Variants in PRKN observed in about 807,000 individuals in gnomAD.
PRKN encodes the protein parkin RBR E3 ubiquitin protein ligase.
PRKN carries 56 observed loss-of-function variants against 59.5 expected under a neutral mutation model. The observed-to-expected ratio is 0.94, with a 90% CI of 0.76 to 1.18. The LOEUF is 1.18. PRKN is among the 50% of genes most tolerant of loss of function. The pLI is 0.00. For synonymous variants in PRKN, 250 were observed against 222.1 expected, an observed-to-expected ratio of 1.13 and a Z score of -1.12; for missense variants, 657 against 596.4, an observed-to-expected ratio of 1.10 and a Z score of -1.06.
At chr6:161,826,042 C>T (rs6904662) in intron 6 of PRKN, among the ~76,000 whole-genome samples, 98,447 of 151,974 alleles carry the variant, frequency 0.65, 32,030 homozygotes, top group Middle Eastern at 0.73. Context: ...CACTCTTGCC[C>T]CAAGCTCTGC....
intron 7 of PRKN, among the ~76,000 whole-genome samples, chr6:161,703,325 A>C (rs946780915): frequency 1.3e-5 from 2 of 152,160 alleles, no homozygotes; most frequent in African/African-American, 4.8e-5. Flanking sequence ...ACAAAGGATA[A>C]AACAGACATT....
At chr6:162,552,072 G>C (rs1779351737) in intron 1 of PRKN, among the ~76,000 whole-genome samples, 1 of 152,122 alleles carries the variant, frequency 6.6e-6, no homozygotes, top group Non-Finnish European at 1.5e-5. Flanking sequence ...TGAATAAAAA[G>C]AACACAGCCA....
chr6:161,823,826 T>C (rs558615121), intron 6 of PRKN, among the ~76,000 whole-genome samples: 103 of 152,118 alleles, frequency 6.8e-4, no homozygotes, highest in African/African-American at 2.3e-3. Flanking sequence ...TGTCAGGAGG[T>C]CTAGTGAGGA....
intron 5 of PRKN, among the ~76,000 whole-genome samples, chr6:162,014,037 G>A (rs1368651659): frequency 2.0e-5 from 3 of 152,076 alleles, no homozygotes; most frequent in Non-Finnish European, 4.4e-5. Context: ...ATTCAGAGAA[G>A]GGTCACTGTC....
chr6:162,479,614 G>A (rs2128181635), intron 1 of PRKN, among the ~76,000 whole-genome samples: 1 of 152,194 alleles, frequency 6.6e-6, no homozygotes, highest in Non-Finnish European at 1.5e-5. Context: ...CAATATCACT[G>A]TCTCCCACCT....
intron 1 of PRKN, among the ~76,000 whole-genome samples, chr6:162,655,617 A>C (rs1778615495): frequency 6.6e-6 from 1 of 152,314 alleles, no homozygotes; most frequent in African/African-American, 2.4e-5. Flanking sequence ...AGGGAAAAAA[A>C]GGAATTATGG....
intron 7 of PRKN, among the ~76,000 whole-genome samples, chr6:161,702,538 G>C (rs1343150926): frequency 6.6e-6 from 1 of 152,098 alleles, no homozygotes. Context: ...GAGAGAATGG[G>C]GGGAGGGGGA....
chr6:161,977,789 T>C (rs547454759), intron 5 of PRKN, among the ~76,000 whole-genome samples: 11 of 151,994 alleles, frequency 7.2e-5, no homozygotes, highest in East Asian at 3.9e-4. Context: ...CCTCGTGATC[T>C]GCCCACCTTG....
rs183485746 is a variant in PRKN at position 161,872,378 on chromosome 6, T to C, written c.735-86470A>G. On this transcript the variant is annotated intron_variant, in intron 6 of 11. Coordinates refer to ENST00000366898, the MANE Select transcript of PRKN (RefSeq NM_004562.3). ...TAAACAGGGCAGCATTTAATACCTC[T>C]AGGGATTATGTAGGACACTTGTATT... Among the ~76,000 whole-genome samples, 281 of 152,284 alleles carry C rather than the reference T, an allele frequency of 1.8e-3. 3 individuals are homozygous for C. The highest frequency in any genetic ancestry group is 0.017 in the Admixed American group (266 of 15,300).
chr6:161,591,835 C>A (rs1192247336), intron 7 of PRKN, among the ~76,000 whole-genome samples: 1 of 152,084 alleles, frequency 6.6e-6, no homozygotes, highest in Non-Finnish European at 1.5e-5. Flanking sequence ...TTTTACCCGG[C>A]CCTTTAGAAG....
chr6:162,131,839 C>T (rs1279371410), intron 4 of PRKN, among the ~76,000 whole-genome samples: 1 of 152,150 alleles, frequency 6.6e-6, no homozygotes, highest in African/African-American at 2.4e-5. Context: ...TCCATTTCTT[C>T]AGCAAATGTA....
chr6:162,505,016 G>GA (rs752075944), intron 1 of PRKN, among the ~76,000 whole-genome samples: 1 of 152,134 alleles, frequency 6.6e-6, no homozygotes, highest in Non-Finnish European at 1.5e-5. Flanking sequence ...TTTTATTGTG[G>GA]AAAAATCTAA....
In PRKN at chr6:162,248,883, A is replaced by AT. The variant is rs879548186; in HGVS notation, c.412+13641dup. Among the ~76,000 whole-genome samples the AT allele has an allele frequency of 2.6e-3, 381 of 144,348 alleles. 1 individual carries two copies. The highest frequency in any genetic ancestry group is 3.7e-3 in the Non-Finnish European group (242 of 65,538). The allele number at this position is 144,348 out of a possible 152,430, so 94.7% of individuals were successfully genotyped here. ...TAATAGACTATTGCTTTTGTATATA[A>AT]TTTTTTTTTTTTTTAAGACAGAGTC... is the stretch of plus-strand genomic sequence containing the variant. On this transcript the variant is annotated intron_variant, in intron 3 of 11. Transcript: ENST00000366898.
At chr6:161,896,818 G>GA (rs376343589) in intron 6 of PRKN, among the ~76,000 whole-genome samples, 11 of 150,990 alleles carry the variant, frequency 7.3e-5, no homozygotes, top group African/African-American at 2.2e-4. Flanking sequence ...TTGGAACAAT[G>GA]AAAAAAAAAT....
chr6:161,578,949 T>C lies in PRKN; in HGVS notation c.872-9533A>G, dbSNP rs1331976029. On this transcript the variant is annotated intron_variant, in intron 7 of 11. Transcript: ENST00000366898. This position sits in a 1 kb window ranked among gnomAD's most constrained non-coding sequence, Gnocchi z 4.2. The stretch of plus-strand genomic sequence containing the variant: ...TGACCTATATTTTGAGTGATTGTGA[T>C]GATACATTTTACAGGGCAAGTGTTT... 1.3e-5 allele frequency among the ~76,000 whole-genome samples: 2 copies of C among 152,250 alleles called. No homozygotes were observed. Among genetic ancestry groups the C allele is most frequent in the Admixed American group, 1.3e-4 (2 of 15,286 alleles).
chr6:162,408,298 A>G (rs913493045), intron 2 of PRKN, among the ~76,000 whole-genome samples: 1 of 152,168 alleles, frequency 6.6e-6, no homozygotes. Context: ...TTCAGAAAAA[A>G]AAAACAAAAC....
At chr6:162,008,403 A>G (rs1782345990) in intron 5 of PRKN, among the ~76,000 whole-genome samples, 1 of 152,182 alleles carries the variant, frequency 6.6e-6, no homozygotes, top group African/African-American at 2.4e-5. Flanking sequence ...GGTAGCAGCT[A>G]CAAAAGAAAA....
chr6:162,448,837 C>T (rs981166392), intron 1 of PRKN, among the ~76,000 whole-genome samples: 22 of 150,996 alleles, frequency 1.5e-4, no homozygotes, highest in East Asian at 2.0e-4. Flanking sequence ...TCCCTCCCTC[C>T]TTCCCTTCCT....
chr6:162,086,373 G>A (rs764848585), intron 4 of PRKN, among the ~76,000 whole-genome samples: 23 of 151,286 alleles, frequency 1.5e-4, no homozygotes, highest in Non-Finnish European at 3.1e-4. Context: ...CAAGCAGGTA[G>A]TTTGAGAGTG....
Sources: allele counts gnomAD v4.1 joint callset (sites outside exome capture counted in the v4.1 genomes callset), GRCh38; gene constraint gnomAD v4.1.1; non-coding constraint Gnocchi (gnomAD v3.1); transcripts MANE v1.5; gene names NCBI Gene and HGNC (gene_info 2026-07-23, HGNC 2026-07-21).